Variants in ADAMTSL1 observed in about 807,000 individuals in gnomAD.
The protein encoded by ADAMTSL1 is ADAMTS like 1, also known as ADAMTS-like protein 1.
In ADAMTSL1, 126 loss-of-function variants were observed where a neutral mutation model predicts 201.8. The ratio of observed to expected loss-of-function variants is 0.62; its 90% CI spans 0.54 to 0.72. The LOEUF (loss-of-function observed/expected upper bound fraction) is 0.72, where lower values mean the gene tolerates loss of function less well. Among genes scored for constraint, ADAMTSL1 ranks in the 30% least tolerant of loss-of-function variants. The pLI is 0.00. For synonymous variants in ADAMTSL1, 1,121 were observed against 903.4 expected (o/e 1.24, Z -4.32); for missense variants, 2,679 against 2,277.8 (o/e 1.18, Z -3.59).
At chr9:18,898,164 G>A (rs982201686) in intron 26 of ADAMTSL1, among the ~76,000 whole-genome samples, 43 of 152,296 alleles carry the variant, frequency 2.8e-4, no homozygotes, top group African/African-American at 9.1e-4. Flanking sequence ...ATTCCAGCCT[G>A]GGTGACAGAG....
intron 22 of ADAMTSL1, among the ~76,000 whole-genome samples, chr9:18,829,443 G>A (rs1393744779): frequency 6.6e-6 from 1 of 152,150 alleles, no homozygotes; most frequent in East Asian, 1.9e-4. Context: ...TGTTACTAGA[G>A]CTAAATGAAA....
chr9:18,402,319 T>C (rs184825710), intron 2 of ADAMTSL1, among the ~76,000 whole-genome samples: 7 of 152,352 alleles, frequency 4.6e-5, no homozygotes, highest in African/African-American at 1.7e-4. Flanking sequence ...CAATTCTAAG[T>C]TGGAATATCT....
Position 18,777,277 on chromosome 9 carries a change from C to T in ADAMTSL1, c.3048C>T (p.Asn1016=), listed in dbSNP as rs561094213. ...CGGAGAAGCGGGGCCTGGCCGCCAACCCGGGGAGCCGCTACGACGACCTCG... is the reference window on the plus strand; with the variant it reads ...CGGAGAAGCGGGGCCTGGCCGCCAATCCGGGGAGCCGCTACGACGACCTCG... ...SKAEKRGLAA[N]PGSRYDDLVS... Residue 1016 remains asparagine (N), a synonymous_variant, in exon 19 of 29, where the codon AAC becomes AAT. Coordinates refer to ENST00000380548, the MANE Select transcript of ADAMTSL1 (RefSeq NM_001040272.6). 587 of 1,608,444 alleles carry T rather than the reference C, an allele frequency of 3.6e-4. 9 individuals carry two copies. The South Asian group carries it at 6.0e-3, about 17-fold the overall frequency.
intron 18 of ADAMTSL1, 138 bp downstream of exon 18, chr9:18,776,034 A>G: frequency 8.5e-7 from 1 of 1,174,008 alleles, no homozygotes; most frequent in Non-Finnish European, 1.2e-6. Flanking sequence ...GGCTGCAGGC[A>G]GGAGAGCTCA....
intron 2 of ADAMTSL1, among the ~76,000 whole-genome samples, chr9:18,508,715 C>T (rs1464358914): frequency 6.6e-6 from 1 of 152,046 alleles, no homozygotes; most frequent in Non-Finnish European, 1.5e-5. Context: ...CATTAAAATA[C>T]ATAACTCTAA....
At chr9:18,004,835 A>G (rs1333319899) in intron 1 of ADAMTSL1, among the ~76,000 whole-genome samples, 1 of 152,090 alleles carries the variant, frequency 6.6e-6, no homozygotes, top group East Asian at 1.9e-4. Flanking sequence ...TGACTGAAGG[A>G]GGAAAATTGA....
chr9:18,336,168 G>A (rs919738406), intron 2 of ADAMTSL1, among the ~76,000 whole-genome samples: 2 of 152,252 alleles, frequency 1.3e-5, no homozygotes, highest in Non-Finnish European at 2.9e-5. Context: ...AAGAGTTTGT[G>A]TTCCCGGTAG....
chr9:18,887,245 GATGTGT>G (rs1828954665), intron 23 of ADAMTSL1, among the ~76,000 whole-genome samples: 1 of 152,174 alleles, frequency 6.6e-6, no homozygotes, highest in Non-Finnish European at 1.5e-5. Flanking sequence ...TGGCTCTGTA[GATGTGT>G]ATAATATTGT....
At chr9:18,366,064 T>C (rs928129406) in intron 2 of ADAMTSL1, among the ~76,000 whole-genome samples, 2 of 152,178 alleles carry the variant, frequency 1.3e-5, no homozygotes, top group African/African-American at 2.4e-5. Context: ...CACTGTATTT[T>C]GAGTGTAATC....
intron 14 of ADAMTSL1, among the ~76,000 whole-genome samples, chr9:18,717,281 T>A (rs369823415): frequency 1.0e-4 from 15 of 149,918 alleles, no homozygotes; most frequent in South Asian, 2.1e-4. Flanking sequence ...ATAAAAATTT[T>A]AAAAAAATAA....
chr9:18,404,955 C>A (rs1272445600), intron 2 of ADAMTSL1, among the ~76,000 whole-genome samples: 1 of 152,128 alleles, frequency 6.6e-6, no homozygotes, highest in East Asian at 1.9e-4. Flanking sequence ...CCCTTTGCCC[C>A]TGGATTTAGT....
At chr9:18,277,593 C>T (rs1303503541) in intron 2 of ADAMTSL1, among the ~76,000 whole-genome samples, 2 of 152,070 alleles carry the variant, frequency 1.3e-5, no homozygotes, top group East Asian at 3.9e-4. Context: ...GTTTAGCCAC[C>T]TCTGCTCTCT....
chr9:18,069,702 C>T (rs1822870320), intron 1 of ADAMTSL1, among the ~76,000 whole-genome samples: 1 of 152,102 alleles, frequency 6.6e-6, no homozygotes, highest in Non-Finnish European at 1.5e-5. Context: ...TATCTTTAGA[C>T]CCTGTCAATA....
At chr9:18,768,698 A>G (rs1820507738) in intron 16 of ADAMTSL1, among the ~76,000 whole-genome samples, 1 of 152,154 alleles carries the variant, frequency 6.6e-6, no homozygotes, top group Admixed American at 6.5e-5. Flanking sequence ...AACTAGACAA[A>G]GTTGATTGCT....
chr9:18,025,083 CA>C (rs1820637488), intron 1 of ADAMTSL1, among the ~76,000 whole-genome samples: 1 of 151,840 alleles, frequency 6.6e-6, no homozygotes, highest in South Asian at 2.1e-4. Flanking sequence ...AAGTGTTGTT[CA>C]TTTCCTTCGC....
intron 2 of ADAMTSL1, among the ~76,000 whole-genome samples, chr9:18,201,110 A>C (rs543402123): frequency 6.6e-6 from 1 of 152,172 alleles, no homozygotes; most frequent in Non-Finnish European, 1.5e-5. Context: ...TTAAAACTTA[A>C]GATGTCAGTT....
chr9:18,650,927 C>G (rs142887744), intron 7 of ADAMTSL1, among the ~76,000 whole-genome samples: 3 of 152,074 alleles, frequency 2.0e-5, no homozygotes, highest in Non-Finnish European at 4.4e-5. Context: ...CTTGAAGGAG[C>G]CTTTTTGAGG....
intron 2 of ADAMTSL1, among the ~76,000 whole-genome samples, chr9:18,188,612 C>T (rs921196323): frequency 3.3e-5 from 5 of 152,078 alleles, no homozygotes; most frequent in Non-Finnish European, 5.9e-5. Flanking sequence ...ATTAGAGCTG[C>T]GCCATTAGGT....
intron 1 of ADAMTSL1, among the ~76,000 whole-genome samples, chr9:17,930,872 A>G (rs746575121): frequency 3.3e-5 from 5 of 152,144 alleles, no homozygotes; most frequent in Non-Finnish European, 7.4e-5. Flanking sequence ...GTGTAGCTGT[A>G]TTCATAATAT....
Sources: allele counts gnomAD v4.1 joint callset (sites outside exome capture counted in the v4.1 genomes callset), GRCh38; gene constraint gnomAD v4.1.1; transcripts MANE v1.5; gene names NCBI Gene and HGNC (gene_info 2026-07-23, HGNC 2026-07-21).